The following CD46 variants were observed in gnomAD, a reference collection of about 807,000 sequenced individuals.
CD46 encodes the protein CD46 molecule.
In CD46, 30 loss-of-function variants were observed where a neutral mutation model predicts 53.3. The observed-to-expected ratio is 0.56, with a 90% CI of 0.42 to 0.76. CD46 has a LOEUF of 0.76. Among genes scored for constraint, CD46 ranks in the 30% least tolerant of loss-of-function variants. CD46 has a pLI of 0.00. For missense variants in CD46, 409 were observed against 463.0 expected (o/e 0.88, Z 1.07); for synonymous variants, 142 against 152.0 (o/e 0.93, Z 0.48).
intron 2 of CD46, 71 bp downstream of exon 2, chr1:207,757,273 C>A: frequency 7.8e-7 from 1 of 1,282,818 alleles, no homozygotes; most frequent in Non-Finnish European, 1.1e-6. Flanking sequence ...GTACATATTC[C>A]ACTACGGTGA....
chr1:207,783,590 G>C (rs1163058058), intron 9 of CD46: 2 of 292,658 alleles, frequency 6.8e-6, no homozygotes, highest in Non-Finnish European at 1.3e-5. Flanking sequence ...ATCTAAGTTG[G>C]GTTTATTTTT....
chr1:207,779,990 A>G (rs1302819419), intron 8 of CD46, among the ~76,000 whole-genome samples: 1 of 137,396 alleles, frequency 7.3e-6, no homozygotes, highest in African/African-American at 2.7e-5. Flanking sequence ...AGAAATTTCT[A>G]AGGAACTCTA....
chr1:207,774,814 C>T (rs534896668), intron 8 of CD46, among the ~76,000 whole-genome samples: 1 of 152,288 alleles, frequency 6.6e-6, no homozygotes, highest in East Asian at 1.9e-4. Flanking sequence ...CTGCCCTTAA[C>T]ATTTTTTTCC....
intron 10 of CD46, 123 bp downstream of exon 10, chr1:207,785,229 A>G: frequency 1.3e-6 from 1 of 762,402 alleles, no homozygotes; most frequent in Admixed American, 2.2e-5. Flanking sequence ...CCGATTTAGG[A>G]AAACCTGACT....
At chr1:207,791,240 G>A (rs982441106) in intron 12 of CD46, among the ~76,000 whole-genome samples, 3 of 152,174 alleles carry the variant, frequency 2.0e-5, no homozygotes, top group South Asian at 2.1e-4. Flanking sequence ...TGAAACCTGG[G>A]AGAGTACTAA....
intron 11 of CD46, among the ~76,000 whole-genome samples, chr1:207,789,619 C>T (rs780623299): frequency 5.5e-4 from 84 of 152,052 alleles, no homozygotes; most frequent in Middle Eastern, 6.8e-3. Context: ...ACAGATGTGC[C>T]ACAGGAAGAC....
In CD46 at chr1:207,785,683, G is replaced by T; in HGVS notation, c.1082+1G>T. On this transcript the variant is annotated splice_donor_variant, in intron 11 of 12. Coordinates refer to ENST00000367042, the MANE Select transcript of CD46 (RefSeq NM_172351.3). LOFTEE classifies it high-confidence loss of function. The stretch of plus-strand genomic sequence containing the variant: ...ATCTTCAAAGGAGGAAGAAGAAAGG[G>T]TAAATTAAAGCATGTTTCTTTTAAC... The T allele has an allele frequency of 6.3e-7, 1 of 1,593,138 alleles. No individual in the cohort carries two copies. Among genetic ancestry groups the T allele is most frequent in the Non-Finnish European group, 8.6e-7 (1 of 1,161,248 alleles).
intron 5 of CD46, chr1:207,762,770 G>C (rs1313026993): frequency 1.3e-5 from 2 of 152,650 alleles, no homozygotes; most frequent in Non-Finnish European, 2.9e-5. Flanking sequence ...GGCACACACA[G>C]GCACCCGAGA....
intron 5 of CD46, among the ~76,000 whole-genome samples, chr1:207,765,220 C>CA (rs1656710872): frequency 2.6e-5 from 4 of 152,122 alleles, no homozygotes; most frequent in African/African-American, 4.8e-5. Context: ...TTATTAGATG[C>CA]AAAAAACAAA....
Position 207,793,711 on chromosome 1 carries a change from G to A in CD46, c.*234G>A. The A allele has an allele frequency of 2.4e-6, 2 of 822,932 alleles. No individual in the cohort carries two copies. Among genetic ancestry groups the A allele is most frequent in the Non-Finnish European group, 2.1e-6 (1 of 478,054 alleles). 51.0% of individuals were successfully genotyped at this position (822,932 alleles called of 1,614,324 possible). On this transcript the variant is annotated 3_prime_UTR_variant, in exon 13 of 13. Transcript: ENST00000367042. The stretch of plus-strand genomic sequence containing the variant: ...TGTGGCTTAGCTAATATTGCAATGT[G>A]GCTTGAATGTAGGTAGCATCCTTTG...
rs557925744 is a variant in CD46, at chr1:207,786,911, A to G, written c.1082+1229A>G. ...ATCAATGGAATATTTTTACAAATCC[A>G]TAAGGTTTGCGTAGAAACAAGTTCT... On this transcript the variant is annotated intron_variant, in intron 11 of 12. Coordinates refer to ENST00000367042, the MANE Select transcript of CD46 (RefSeq NM_172351.3). Among the ~76,000 whole-genome samples, 69 of 152,360 alleles carry G rather than the reference A, an allele frequency of 4.5e-4. 1 individual carries two copies. Among genetic ancestry groups the G allele is most frequent in the South Asian group, 2.9e-3 (14 of 4,834 alleles).
chr1:207,787,057 A>G (rs1659333389), intron 11 of CD46, among the ~76,000 whole-genome samples: 1 of 152,024 alleles, frequency 6.6e-6, no homozygotes, highest in Admixed American at 6.6e-5. Context: ...GCTAGCAGTT[A>G]ATGGTTTTTC....
rs1655069217 is a variant in CD46 at position 207,752,790 on chromosome 1, C to T, written c.97+481C>T. On this transcript the variant is annotated intron_variant, in intron 1 of 12. Coordinates refer to ENST00000367042, the MANE Select transcript of CD46 (RefSeq NM_172351.3). The surrounding 1 kb of genome is among the most constrained non-coding windows in gnomAD (Gnocchi z 4.1). ...TAAGGGTTGCAGTGCGTCTGCTGTGCCCCATGTGCTGGGCTGGGCGAGCAG... is the reference window on the plus strand; with the variant it reads ...TAAGGGTTGCAGTGCGTCTGCTGTGTCCCATGTGCTGGGCTGGGCGAGCAG... 6.6e-6 allele frequency among the ~76,000 whole-genome samples: 1 copy of T among 152,148 alleles called. No individual in the cohort carries two copies. Among genetic ancestry groups the T allele is most frequent in the Admixed American group, 6.5e-5 (1 of 15,286 alleles).
intron 8 of CD46, 85 bp from the exon 9 acceptor site, chr1:207,783,207 C>A: frequency 2.8e-6 from 2 of 706,952 alleles, no homozygotes; most frequent in South Asian, 3.7e-5. Flanking sequence ...AAAAAATCAC[C>A]CTATGAGTTT....
intron 8 of CD46, among the ~76,000 whole-genome samples, chr1:207,779,924 T>TTTTTTTTTTTTTTTTTTTTTTTTA: frequency 6.8e-6 from 1 of 146,454 alleles, no homozygotes; most frequent in Non-Finnish European, 1.5e-5. Flanking sequence ...TTTTTTTTTT[T>TTTTTTTTTTTTTTTTTTTTTTTTA]TTTTTTTTAC....
rs1419123855 is a variant in CD46 at position 207,757,652 on chromosome 1, T to G, written c.389+10T>G. 1.3e-6 allele frequency: 2 copies of G among 1,524,576 alleles called. No individual in the cohort carries two copies. The highest frequency in any genetic ancestry group is 1.8e-6 in the Non-Finnish European group (2 of 1,101,604). 94.4% of individuals were successfully genotyped at this position (1,524,576 alleles called of 1,614,324 possible). Reference sequence around the variant, plus strand: ...TTATTTGTAATGAGGGGTAAGTTGCTCCTTAGAGGAAATAAGGGAAGTGTT... The same window carrying G: ...TTATTTGTAATGAGGGGTAAGTTGCGCCTTAGAGGAAATAAGGGAAGTGTT... On this transcript the variant is annotated intron_variant, in intron 3 of 12. Transcript: ENST00000367042.
intron 11 of CD46, among the ~76,000 whole-genome samples, chr1:207,787,902 A>G (rs929385708): frequency 6.6e-6 from 1 of 152,102 alleles, no homozygotes; most frequent in Non-Finnish European, 1.5e-5. Context: ...TTTAATGTGC[A>G]CATTAGTCAC....
At chr1:207,762,292 A>G (rs1656306236) in intron 5 of CD46, among the ~76,000 whole-genome samples, 1 of 152,244 alleles carries the variant, frequency 6.6e-6, no homozygotes, top group African/African-American at 2.4e-5. Context: ...AATGTATAGC[A>G]TAATATACTT....
At chr1:207,768,630 G>A (rs1657117389) in intron 7 of CD46, 1 of 152,192 alleles carries the variant, frequency 6.6e-6, no homozygotes, top group Non-Finnish European at 1.5e-5. Flanking sequence ...TAAAATAGAA[G>A]ACTTTTGCAG....
Sources: allele counts gnomAD v4.1 joint callset (sites outside exome capture counted in the v4.1 genomes callset), GRCh38; gene constraint gnomAD v4.1.1; non-coding constraint Gnocchi (gnomAD v3.1); transcripts MANE v1.5; gene names NCBI Gene and HGNC (gene_info 2026-07-23, HGNC 2026-07-21).